FNDC3B: variants seen among roughly 807,000 people sequenced by gnomAD.
The protein encoded by FNDC3B is fibronectin type III domain containing 3B.
In FNDC3B, 12 loss-of-function variants were observed where a neutral mutation model predicts 151.5. The ratio of observed to expected loss-of-function variants is 0.08; its 90% CI spans 0.05 to 0.13. FNDC3B has a LOEUF of 0.13. Among genes scored for constraint, FNDC3B ranks in the 10% least tolerant of loss-of-function variants. The pLI is 1.00. For missense variants in FNDC3B, 1,214 were observed against 1,505.3 expected, an observed-to-expected ratio of 0.81 and a Z score of 3.20; for synonymous variants, 528 against 549.0, an observed-to-expected ratio of 0.96 and a Z score of 0.54.
At chr3:172,238,861 A>T (rs59976239) in intron 4 of FNDC3B, among the ~76,000 whole-genome samples, 2 of 152,084 alleles carry the variant, frequency 1.3e-5, no homozygotes, top group Non-Finnish European at 2.9e-5. Flanking sequence ...TTCTGTATAA[A>T]TGTTTGTGAT....
rs964425962 is a variant in FNDC3B at position 172,054,239 on chromosome 3, G to A, written c.-29+14468G>A. Reference sequence around the variant, plus strand: ...AGCCACAGGGATGGGATGAGCAAAGGACTAGAGGGTGTCTATCTCTGAGAA... The same window carrying A: ...AGCCACAGGGATGGGATGAGCAAAGAACTAGAGGGTGTCTATCTCTGAGAA... On this transcript the variant is annotated intron_variant, in intron 1 of 25. Transcript: ENST00000415807. Among the ~76,000 whole-genome samples, 3 of 152,184 alleles carry A rather than the reference G, an allele frequency of 2.0e-5. 1 individual carries two copies. In the South Asian group the frequency reaches 6.2e-4, roughly 32 times the overall value.
intron 6 of FNDC3B, among the ~76,000 whole-genome samples, chr3:172,261,042 A>G (rs9876039): frequency 0.23 from 35,297 of 152,140 alleles, 5,296 homozygotes; most frequent in African/African-American, 0.43. Context: ...TAGTTAAGCT[A>G]GATGGATAAA....
intron 1 of FNDC3B, among the ~76,000 whole-genome samples, chr3:172,085,201 A>G (rs147541238): frequency 6.6e-6 from 1 of 152,204 alleles, no homozygotes; most frequent in Non-Finnish European, 1.5e-5. Flanking sequence ...GGGCTTCAGG[A>G]TATGGCCTAC....
chr3:172,224,200 A>C (rs781565517), intron 3 of FNDC3B, among the ~76,000 whole-genome samples: 1 of 152,224 alleles, frequency 6.6e-6, no homozygotes, highest in Non-Finnish European at 1.5e-5. Context: ...ATATTAAGTA[A>C]ATACACAACT....
intron 6 of FNDC3B, among the ~76,000 whole-genome samples, chr3:172,253,497 C>T (rs1037432105): frequency 6.6e-6 from 1 of 152,160 alleles, no homozygotes; most frequent in Non-Finnish European, 1.5e-5. Flanking sequence ...TCTTTCTCAT[C>T]CTTACAGTGT....
rs1044148462 is a variant in FNDC3B at position 172,311,010 on chromosome 3, A to T, written c.1254+129A>T. 17 of 702,378 alleles carry T rather than the reference A, an allele frequency of 2.4e-5. No homozygotes were observed. In the African/African-American group the frequency reaches 3.0e-4, roughly 13 times the overall value. 43.5% of individuals were successfully genotyped at this position (702,378 alleles called of 1,614,324 possible). A position where few individuals can be genotyped will look rare whatever the true frequency, so the allele number is the denominator to read the frequency against. Reference sequence around the variant, plus strand: ...AAAAGGAATGCTAGTAGAGAAATTTAAATCAATAGTTATTGACTATGGAAA... The same window carrying T: ...AAAAGGAATGCTAGTAGAGAAATTTTAATCAATAGTTATTGACTATGGAAA... On this transcript the variant is annotated intron_variant, in intron 11 of 25. Transcript: ENST00000415807.
rs1286627102 is a variant in FNDC3B, at chr3:172,040,270, G to A, written c.-29+499G>A. Reference sequence around the variant, plus strand: ...GCTGTAGATTTCCATATGGTGGAGGGAAGAGGGCGGGAGTGCGAAGTGGGG... The same window carrying A: ...GCTGTAGATTTCCATATGGTGGAGGAAAGAGGGCGGGAGTGCGAAGTGGGG... On this transcript the variant is annotated intron_variant, in intron 1 of 25. Coordinates refer to ENST00000415807, the MANE Select transcript of FNDC3B (RefSeq NM_022763.4). The surrounding 1 kb of genome is among the most constrained non-coding windows in gnomAD (Gnocchi z 6.6). Among the ~76,000 whole-genome samples the A allele has an allele frequency of 6.6e-6, 1 of 152,052 alleles. No individual in the cohort carries two copies. The highest frequency in any genetic ancestry group is 6.5e-5 in the Admixed American group (1 of 15,282).
chr3:172,078,694 G>A (rs1388744448), intron 1 of FNDC3B, among the ~76,000 whole-genome samples: 1 of 152,236 alleles, frequency 6.6e-6, no homozygotes, highest in Admixed American at 6.5e-5. Flanking sequence ...TGAGAAAACA[G>A]TGGTACTTTG....
chr3:172,225,784 G>T, intron 3 of FNDC3B: 1 of 182,482 alleles, frequency 5.5e-6, no homozygotes, highest in African/African-American at 2.3e-5. Context: ...CTTTATTCTG[G>T]ATCTTGGCCT....
chr3:172,384,352 T>C (rs1391934545), intron 25 of FNDC3B, among the ~76,000 whole-genome samples: 2 of 152,234 alleles, frequency 1.3e-5, no homozygotes, highest in African/African-American at 2.4e-5. Context: ...TTATACGATA[T>C]ATTCCATTTC....
rs943731341 is a variant in FNDC3B, at chr3:172,401,482, A to G, written c.*4007A>G. ...ATCCTTTATCAGAGTCTCTGTGGAT[A>G]ATGTACCTTGTTGCCTAATACTTTA... On this transcript the variant is annotated 3_prime_UTR_variant, in exon 26 of 26. Transcript: ENST00000415807. 6.6e-6 allele frequency: 1 copy of G among 152,224 alleles called. No individual in the cohort carries two copies. Among genetic ancestry groups the G allele is most frequent in the Non-Finnish European group, 1.5e-5 (1 of 68,056 alleles). 9.4% of individuals were successfully genotyped at this position (152,224 alleles called of 1,614,324 possible). A position where few individuals can be genotyped will look rare whatever the true frequency, so the allele number is the denominator to read the frequency against.
intron 3 of FNDC3B, among the ~76,000 whole-genome samples, chr3:172,152,826 A>G (rs374713139): frequency 7.2e-5 from 11 of 152,164 alleles, no homozygotes; most frequent in African/African-American, 2.4e-4. Context: ...ATGTTGGTTT[A>G]CATGAGGATT....
At chr3:172,153,959 G>A (rs1315097141) in intron 3 of FNDC3B, among the ~76,000 whole-genome samples, 2 of 151,994 alleles carry the variant, frequency 1.3e-5, no homozygotes, top group Non-Finnish European at 2.9e-5. Flanking sequence ...AACTTGGTAG[G>A]AACTGGAGAA....
intron 2 of FNDC3B, 98 bp from the exon 3 acceptor site, chr3:172,133,373 C>T: frequency 2.2e-6 from 2 of 910,572 alleles, no homozygotes; most frequent in South Asian, 1.5e-5. Flanking sequence ...AGATTTTATG[C>T]CACATGCTTC....
chr3:172,258,957 G>T (rs1728508388), intron 6 of FNDC3B, among the ~76,000 whole-genome samples: 1 of 152,174 alleles, frequency 6.6e-6, no homozygotes, highest in African/African-American at 2.4e-5. Flanking sequence ...GAAGGCTGGA[G>T]TTGGCAGGGT....
At chr3:172,275,677 G>A (rs1200571932) in intron 6 of FNDC3B, among the ~76,000 whole-genome samples, 1 of 152,188 alleles carries the variant, frequency 6.6e-6, no homozygotes, top group Admixed American at 6.5e-5. Flanking sequence ...CCTCTTGCAA[G>A]TAGCATTTTC....
At chr3:172,146,240 C>A (rs894010012) in intron 3 of FNDC3B, among the ~76,000 whole-genome samples, 1 of 152,214 alleles carries the variant, frequency 6.6e-6, no homozygotes, top group African/African-American at 2.4e-5. Context: ...CACGACAGTT[C>A]TTATTCTGTG....
In FNDC3B at chr3:172,330,709, T is replaced by A. The variant is rs147159768; in HGVS notation, c.1548T>A (p.Asp516Glu). ...VITYTLEIQE[D>E]ENDNLFHPKY... The stretch of plus-strand genomic sequence containing the variant: ...CCTACACCTTGGAAATTCAGGAGGA[T>A]GAAAATGTGAGTTTTACAGATTTTA... The change falls in exon 13 of 26, where the codon GAT (aspartate) becomes GAA (glutamate). Residue 516 changes from aspartate to glutamate, a missense_variant. This residue lies in a region of FNDC3B where 111 missense variants were observed against 96.8 expected (regional missense o/e 1.15). Coordinates refer to ENST00000415807, the MANE Select transcript of FNDC3B (RefSeq NM_022763.4). The A allele has an allele frequency of 1.3e-4, 211 of 1,612,432 alleles. No individual in the cohort carries two copies. The highest frequency in any genetic ancestry group is 1.7e-4 in the Non-Finnish European group (198 of 1,178,820).
At chr3:172,357,959 T>C (rs1734178002) in intron 22 of FNDC3B, among the ~76,000 whole-genome samples, 1 of 152,250 alleles carries the variant, frequency 6.6e-6, no homozygotes, top group African/African-American at 2.4e-5. Flanking sequence ...CTCTTCTAAA[T>C]GCCTGCTTCC....
Sources: gnomAD v4.1 joint callset for allele counts (sites outside exome capture counted in the v4.1 genomes callset) on GRCh38, gnomAD v4.1.1 for gene constraint, gnomAD v4.1.1 regional missense constraint, Gnocchi (gnomAD v3.1) non-coding constraint, MANE v1.5 for transcripts, NCBI Gene and HGNC (gene_info 2026-07-23, HGNC 2026-07-21) for gene names.